Variants in TRPM5 observed in about 807,000 individuals in gnomAD.
TRPM5 encodes the protein transient receptor potential cation channel subfamily M member 5.
TRPM5 carries 121 observed loss-of-function variants against 124.9 expected under a neutral mutation model. That is an observed-to-expected ratio of 0.97 (90% CI 0.84 to 1.13). The LOEUF is 1.13. TRPM5 is among the 50% of genes most tolerant of loss of function. The pLI is 0.00. For synonymous variants in TRPM5, 781 were observed against 700.5 expected (o/e 1.11, Z -1.81); for missense variants, 1,643 against 1,589.1 (o/e 1.03, Z -0.58).
chr11:2,422,584 A>C (rs1589876472), intron 1 of TRPM5, among the ~76,000 whole-genome samples: 1 of 151,614 alleles, frequency 6.6e-6, no homozygotes, highest in East Asian at 1.9e-4. Flanking sequence ...CTGCTGTGTG[A>C]CCTGGGCAGT....
the TRPM5 span, among the ~76,000 whole-genome samples, chr11:2,436,078 C>A: frequency 1.8e-3 from 270 of 152,376 alleles, 2 homozygotes; most frequent in African/African-American, 6.3e-3. Flanking sequence ...TGACCTCCCC[C>A]ACACCGTAAC....
At chr11:2,433,378 G>T in the TRPM5 span, among the ~76,000 whole-genome samples, 2 of 152,246 alleles carry the variant, frequency 1.3e-5, no homozygotes, top group African/African-American at 4.8e-5. Flanking sequence ...CTTAGTGTGC[G>T]CAAGGGCTGC....
chr11:2,419,961 C>A (rs531502513), intron 4 of TRPM5, among the ~76,000 whole-genome samples: 5 of 152,194 alleles, frequency 3.3e-5, no homozygotes, highest in Admixed American at 3.3e-4. Context: ...TGCACCTGCT[C>A]TGGTGGGAAT....
chr11:2,442,043 C>T, the TRPM5 span, among the ~76,000 whole-genome samples: 3 of 152,110 alleles, frequency 2.0e-5, no homozygotes, highest in East Asian at 1.9e-4. The surrounding 1 kb of genome is among the most constrained non-coding windows in gnomAD (Gnocchi z 5.9). Context: ...CCTTTTCACT[C>T]GTTTTCAGAA....
chr11:2,407,054 C>T (rs889930731), intron 20 of TRPM5, 65 bp downstream of exon 25: 1 of 1,458,174 alleles, frequency 6.9e-7, no homozygotes. Flanking sequence ...CTCCAGCGCA[C>T]AGCCCCGCCC....
In TRPM5 at chr11:2,420,418, A is replaced by G. The variant is rs112431602; in HGVS notation, c.466-13T>C. On this transcript the variant is annotated splice_polypyrimidine_tract_variant and intron_variant, in intron 3 of 23. Coordinates refer to ENST00000155858, the Ensembl canonical transcript of TRPM5. ...CAGGAAAATCCTCCTGCGCCCATGC[A>G]GGGAGACGAGGCTGAGCCCTCGAGA... is the stretch of plus-strand genomic sequence containing the variant. The G allele has an allele frequency of 0.023, 36,810 of 1,594,196 alleles. 522 individuals carry two copies. The highest frequency in any genetic ancestry group is 0.026 in the Non-Finnish European group (30,516 of 1,167,258).
At chr11:2,409,134 T>C (rs1285906139) in intron 18 of TRPM5, among the ~76,000 whole-genome samples, 1 of 152,130 alleles carries the variant, frequency 6.6e-6, no homozygotes, top group African/African-American at 2.4e-5. Context: ...TGTGACGCGT[T>C]GGCCCGTGTG....
intron 22 of TRPM5, 47 bp downstream of exon 27, chr11:2,405,972 C>T (rs374636413): frequency 3.9e-6 from 6 of 1,553,598 alleles, no homozygotes; most frequent in South Asian, 1.1e-5. Context: ...TAGCCCCACG[C>T]AGCCACCCGC....
At chr11:2,414,009 G>GGGCGCCCCCCCCCC in intron 12 of TRPM5, 52 bp downstream of exon 17, 13 of 1,023,706 alleles carry the variant, frequency 1.3e-5, no homozygotes, top group Admixed American at 2.2e-5. Context: ...GGCCCAGCTC[G>GGGCGCCCCCCCCCC]CCCGCCCACC....
At chr11:2,443,900 A>C in the TRPM5 span, among the ~76,000 whole-genome samples, 1 of 151,038 alleles carries the variant, frequency 6.6e-6, no homozygotes, top group Non-Finnish European at 1.5e-5. The surrounding 1 kb of genome is among the most constrained non-coding windows in gnomAD (Gnocchi z 5.0). Flanking sequence ...ACCTGTGAAA[A>C]TCTTCCGATG....
chr11:2,444,096 C>T, the TRPM5 span, among the ~76,000 whole-genome samples: 1 of 151,786 alleles, frequency 6.6e-6, no homozygotes, highest in East Asian at 1.9e-4. Flanking sequence ...CCGGCTGTGC[C>T]GCCCCCACCC....
exon 15 of TRPM5, chr11:2,412,894 C>A (rs760982280): frequency 1.3e-6 from 2 of 1,597,432 alleles, no homozygotes; most frequent in Admixed American, 3.5e-5. Flanking sequence ...TACATGACCA[C>A]GTTCCCCAGG....
intron 4 of TRPM5, among the ~76,000 whole-genome samples, chr11:2,419,267 G>A (rs890855472): frequency 6.6e-6 from 1 of 152,124 alleles, no homozygotes; most frequent in East Asian, 1.9e-4. Context: ...CAGACCCTCC[G>A]CCTGTGTCCC....
intron 12 of TRPM5, 77 bp from the exon 18 acceptor site, chr11:2,413,665 C>A: frequency 2.9e-6 from 4 of 1,369,860 alleles, no homozygotes; most frequent in Non-Finnish European, 4.1e-6. Context: ...AATGCCCTTC[C>A]CCCAGGTGCC....
the TRPM5 span, among the ~76,000 whole-genome samples, chr11:2,435,581 GTCCA>G: frequency 0.1 from 15,598 of 150,032 alleles, 873 homozygotes; most frequent in Admixed American, 0.13. The surrounding 1 kb of genome is among the most constrained non-coding windows in gnomAD (Gnocchi z 4.1). Context: ...CCATCTGTCT[GTCCA>G]TCCATCCATC....
At position 2,418,184 on chromosome 11, in the gene TRPM5, C is replaced by G. The variant is rs776079030; in HGVS notation, c.889G>C (p.Val297Leu). 7 of 1,576,408 alleles carry G rather than the reference C, an allele frequency of 4.4e-6. No individual in the cohort carries two copies. The highest frequency in any genetic ancestry group is 3.6e-5 in the Admixed American group (2 of 55,482). ...GCACATACCAGCTTGGTCCAGCGCA[C>G]GATGTCCTCCCAAGAGAAATGCTTG... Residue 297 changes from valine (V) to leucine (L), a missense_variant, in exon 6 of 24, where the codon GTG becomes CTG. Val to Leu is a conservative substitution (Grantham distance 32). Coordinates refer to ENST00000155858, the Ensembl canonical transcript of TRPM5.
rs200638981 is a variant in TRPM5 at position 2,412,072 on chromosome 11, G to C, written c.2474+63C>G. 8 of 1,413,352 alleles carry C rather than the reference G, an allele frequency of 5.7e-6. No homozygotes were observed. The Admixed American group carries it at 1.0e-4, about 18-fold the overall frequency. The allele number at this position is 1,413,352 out of a possible 1,614,324, so 87.6% of individuals were successfully genotyped here. ...GCCACCGCCACACCCAACCTGAGTG[G>C]CTTCATCTGGAAGCCTGCCCACAAG... is the stretch of plus-strand genomic sequence containing the variant. On this transcript the variant is annotated intron_variant, in intron 16 of 23. Transcript: ENST00000155858.
intron 22 of TRPM5, 65 bp from the exon 28 acceptor site, chr11:2,405,658 C>T: frequency 6.7e-7 from 1 of 1,490,016 alleles, no homozygotes; most frequent in Non-Finnish European, 9.1e-7. Flanking sequence ...GACAGGCAGC[C>T]TCCCCATCTC....
the TRPM5 span, among the ~76,000 whole-genome samples, chr11:2,440,641 C>A: frequency 6.6e-6 from 1 of 152,188 alleles, no homozygotes; most frequent in Non-Finnish European, 1.5e-5. This position sits in a 1 kb window ranked among gnomAD's most constrained non-coding sequence, Gnocchi z 5.2. Flanking sequence ...CCATCCTGTG[C>A]CCCCTTCGTT....
Sources: gnomAD v4.1 joint callset for allele counts (sites outside exome capture counted in the v4.1 genomes callset) on GRCh38, gnomAD v4.1.1 for gene constraint, Gnocchi (gnomAD v3.1) non-coding constraint, MANE v1.5 for transcripts, NCBI Gene and HGNC (gene_info 2026-07-23, HGNC 2026-07-21) for gene names.